The following PPP2R5E variants were observed in gnomAD, a reference collection of about 807,000 sequenced individuals.
PPP2R5E encodes the protein protein phosphatase 2 regulatory subunit B'epsilon.
Under a neutral mutation model 65.3 loss-of-function variants are expected in PPP2R5E, and 4 were observed. That is an observed-to-expected ratio of 0.06 (90% CI 0.03 to 0.14). The LOEUF is 0.14. Ranked by LOEUF, PPP2R5E falls within the 10% of genes least tolerant of loss-of-function variation. The pLI is 1.00. For missense variants in PPP2R5E, 274 were observed against 556.1 expected (o/e 0.49, Z 5.10); for synonymous variants, 183 against 187.4 (o/e 0.98, Z 0.19).
At chr14:63,503,877 T>C (rs1892028844) in intron 2 of PPP2R5E, among the ~76,000 whole-genome samples, 1 of 152,142 alleles carries the variant, frequency 6.6e-6, no homozygotes, top group Middle Eastern at 3.2e-3. Flanking sequence ...AAATATGCTT[T>C]ACTAAGAAGG....
intron 3 of PPP2R5E, among the ~76,000 whole-genome samples, chr14:63,449,971 G>A (rs1177534845): frequency 6.7e-6 from 1 of 149,570 alleles, no homozygotes; most frequent in Non-Finnish European, 1.5e-5. Flanking sequence ...CACCACCCAG[G>A]TTCAAGCGAT....
intron 3 of PPP2R5E, among the ~76,000 whole-genome samples, chr14:63,450,753 T>A: frequency 7.5e-6 from 1 of 132,636 alleles, no homozygotes. Context: ...ATTAGAAAAA[T>A]CAGATAAATA....
At chr14:63,390,557 CA>C in intron 10 of PPP2R5E, among the ~76,000 whole-genome samples, 1 of 152,192 alleles carries the variant, frequency 6.6e-6, no homozygotes, top group Non-Finnish European at 1.5e-5. Context: ...TGAAAAATAA[CA>C]ATGCCTTCAT....
chr14:63,482,513 C>A (rs988853784), intron 2 of PPP2R5E, among the ~76,000 whole-genome samples: 2 of 152,008 alleles, frequency 1.3e-5, no homozygotes, highest in African/African-American at 2.4e-5. Context: ...GTGATTTTAG[C>A]CTCTATTTAG....
chr14:63,540,618 G>A lies in PPP2R5E; in HGVS notation c.-7-926C>T, dbSNP rs563394423. Among the ~76,000 whole-genome samples, 4 of 150,988 alleles carry A rather than the reference G, an allele frequency of 2.6e-5. No homozygotes were observed. The South Asian group carries it at 8.3e-4, about 31-fold the overall frequency. On this transcript the variant is annotated intron_variant, in intron 1 of 13. Transcript: ENST00000337537. Reference sequence around the variant, plus strand: ...CATGCCTGTAATCCCAGCTACTCGGGAGGCTGAGGCAGGAGAATCACTTGA... The same window carrying A: ...CATGCCTGTAATCCCAGCTACTCGGAAGGCTGAGGCAGGAGAATCACTTGA...
intron 2 of PPP2R5E, among the ~76,000 whole-genome samples, chr14:63,459,033 C>CT (rs1431321561): frequency 6.6e-6 from 1 of 152,162 alleles, no homozygotes; most frequent in African/African-American, 2.4e-5. Context: ...CATGTATACT[C>CT]TGTCCTTCAC....
At chr14:63,381,775 T>A (rs1211942759) in intron 13 of PPP2R5E, among the ~76,000 whole-genome samples, 1 of 152,198 alleles carries the variant, frequency 6.6e-6, no homozygotes, top group Admixed American at 6.5e-5. Flanking sequence ...TCACCACAGG[T>A]TTGTAGCCTG....
At chr14:63,518,041 GA>G (rs60781673) in intron 2 of PPP2R5E, among the ~76,000 whole-genome samples, 20,483 of 152,118 alleles carry the variant, frequency 0.13, 1,499 homozygotes, top group African/African-American at 0.17. Flanking sequence ...GGCATCCATA[GA>G]ACATATAGCT....
Position 63,453,656 on chromosome 14 carries a change from TAA to T in PPP2R5E, c.354+31_354+32del, listed in dbSNP as rs765007966. Reference sequence around the variant, plus strand: ...CCTGTGAGTCACTATGGAAGATGCTTAAAAGTGTCCGCGGAGAAAAAAAGAAA... The same window carrying T: ...CCTGTGAGTCACTATGGAAGATGCTTAAGTGTCCGCGGAGAAAAAAAGAAA... On this transcript the variant is annotated intron_variant, in intron 3 of 13. Transcript: ENST00000337537. 355 of 1,599,530 alleles carry T rather than the reference TAA, an allele frequency of 2.2e-4. 5 individuals are homozygous for T. In the South Asian group the frequency reaches 3.0e-3, roughly 13 times the overall value.
At chr14:63,379,863 C>T (rs1253666266) in intron 13 of PPP2R5E, among the ~76,000 whole-genome samples, 1 of 106,590 alleles carries the variant, frequency 9.4e-6, no homozygotes, top group Non-Finnish European at 1.7e-5. Flanking sequence ...GAGACAGAGT[C>T]TCACTCCAAT....
In PPP2R5E at chr14:63,384,369, G is replaced by A. The variant is rs1566663666; in HGVS notation, c.1202+75C>T. 2.0e-6 allele frequency: 3 copies of A among 1,508,380 alleles called. No homozygotes were observed. In the East Asian group the frequency reaches 6.8e-5, roughly 34 times the overall value. 93.4% of individuals were successfully genotyped at this position (1,508,380 alleles called of 1,614,324 possible). ...GTCTTCAGCAACAAGGACAGCATCT[G>A]GCACATAATAAGGCTGAAGGGAAAG... On this transcript the variant is annotated intron_variant, in intron 12 of 13. Transcript: ENST00000337537.
At chr14:63,448,789 A>C (rs1179206443) in intron 3 of PPP2R5E, among the ~76,000 whole-genome samples, 2 of 126,272 alleles carry the variant, frequency 1.6e-5, no homozygotes, top group Non-Finnish European at 3.5e-5. Context: ...GACTTCGTCA[A>C]AAAAAAAAAA....
chr14:63,422,086 G>A lies in PPP2R5E; in HGVS notation c.363C>T (p.Cys121=). 1 of 1,610,300 alleles carries A rather than the reference G, an allele frequency of 6.2e-7. No homozygotes were observed. Among genetic ancestry groups the A allele is most frequent in the Non-Finnish European group, 8.5e-7 (1 of 1,176,636 alleles). Residue 121 remains cysteine, a synonymous_variant, in exon 4 of 14, where the codon TGC becomes TGT. Coordinates refer to ENST00000337537, the MANE Select transcript of PPP2R5E (RefSeq NM_006246.5). ...TYPEVVRMVS[C]NIFRTLPPSD... is the part of the protein sequence containing the mutation. ...TAGGAGGGAGAGTTCTGAATATATT[G>A]CAAGATACCTAAAAATAAACAAGCA...
intron 3 of PPP2R5E, among the ~76,000 whole-genome samples, chr14:63,429,488 C>T (rs1390611157): frequency 1.3e-5 from 2 of 152,142 alleles, no homozygotes; most frequent in Non-Finnish European, 2.9e-5. Context: ...ACATTAAGAC[C>T]TCATCATGCA....
intron 2 of PPP2R5E, among the ~76,000 whole-genome samples, chr14:63,503,514 C>T (rs1268800031): frequency 1.3e-5 from 2 of 152,066 alleles, no homozygotes; most frequent in African/African-American, 2.4e-5. Flanking sequence ...ATTCCTATGC[C>T]CACTGAAGTC....
At chr14:63,413,231 T>C (rs1403857304) in intron 5 of PPP2R5E, among the ~76,000 whole-genome samples, 3 of 152,236 alleles carry the variant, frequency 2.0e-5, no homozygotes, top group Admixed American at 2.0e-4. Context: ...GCCCTGGATG[T>C]TTTTGTGTAA....
intron 2 of PPP2R5E, among the ~76,000 whole-genome samples, chr14:63,529,217 C>T (rs1418851294): frequency 6.6e-6 from 1 of 152,168 alleles, no homozygotes; most frequent in Non-Finnish European, 1.5e-5. Context: ...CTGCGTCCTC[C>T]CAAAGTGCTG....
chr14:63,416,745 AATTGAGAAGAAAGCC>A (rs1294811520), intron 4 of PPP2R5E, among the ~76,000 whole-genome samples: 1 of 152,052 alleles, frequency 6.6e-6, no homozygotes, highest in Non-Finnish European at 1.5e-5. Flanking sequence ...TTTCCAAAAG[AATTGAGAAGAAAGCC>A]ATTGTTTTAT....
chr14:63,493,989 C>T (rs1301127208), intron 2 of PPP2R5E, among the ~76,000 whole-genome samples: 1 of 152,070 alleles, frequency 6.6e-6, no homozygotes, highest in African/African-American at 2.4e-5. Context: ...AAATGTAAAA[C>T]GCAACGTCTA....
Sources: allele counts gnomAD v4.1 joint callset (sites outside exome capture counted in the v4.1 genomes callset), GRCh38; gene constraint gnomAD v4.1.1; transcripts MANE v1.5; gene names NCBI Gene and HGNC (gene_info 2026-07-23, HGNC 2026-07-21).